FSTL5: variants seen among roughly 807,000 people sequenced by gnomAD.
FSTL5 encodes the protein follistatin like 5.
FSTL5 carries 62 observed loss-of-function variants against 89.1 expected under a neutral mutation model. That is an observed-to-expected ratio of 0.70 (90% CI 0.57 to 0.86). FSTL5 has a LOEUF of 0.86. Ranked by LOEUF, FSTL5 falls within the 40% of genes least tolerant of loss-of-function variation. The probability of loss-of-function intolerance (pLI) is 0.00; values close to 1 mark genes in which losing one functional copy is unlikely to be tolerated. For missense variants in FSTL5, 1,057 were observed against 1,001.6 expected (o/e 1.06, Z -0.75); for synonymous variants, 383 against 346.2 (o/e 1.11, Z -1.18).
chr4:161,832,114 G>C (rs1382495530), intron 4 of FSTL5, among the ~76,000 whole-genome samples: 1 of 152,020 alleles, frequency 6.6e-6, no homozygotes, highest in African/African-American at 2.4e-5. Context: ...CATGGTAAAT[G>C]TTATGATAGT....
intron 3 of FSTL5, among the ~76,000 whole-genome samples, chr4:161,983,242 T>G (rs1401752160): frequency 6.6e-6 from 1 of 152,198 alleles, no homozygotes; most frequent in African/African-American, 2.4e-5. Flanking sequence ...GGGGTGTGTC[T>G]GTGTGAAGTG....
chr4:161,762,810 CT>C (rs577037302), intron 5 of FSTL5, among the ~76,000 whole-genome samples: 2 of 151,504 alleles, frequency 1.3e-5, no homozygotes, highest in Non-Finnish European at 2.9e-5. Context: ...ATCTTTTACA[CT>C]TTTTTTTTCA....
At chr4:161,558,279 G>A (rs1263105951) in intron 8 of FSTL5, among the ~76,000 whole-genome samples, 1 of 151,782 alleles carries the variant, frequency 6.6e-6, no homozygotes, top group Non-Finnish European at 1.5e-5. Context: ...GGCTCCAAAA[G>A]GGTGTCACTA....
At chr4:162,128,212 T>C (rs1029970042) in intron 1 of FSTL5, among the ~76,000 whole-genome samples, 1 of 152,216 alleles carries the variant, frequency 6.6e-6, no homozygotes, top group Non-Finnish European at 1.5e-5. Flanking sequence ...TCTGTAGTAT[T>C]TTTACATATT....
chr4:161,782,695 C>T (rs554968249), intron 4 of FSTL5, among the ~76,000 whole-genome samples: 116 of 152,048 alleles, frequency 7.6e-4, no homozygotes, highest in Non-Finnish European at 9.7e-4. Context: ...AGGGAAGTAT[C>T]GTGAGTTAAA....
rs548024857 is a variant in FSTL5, at chr4:161,544,765, A to T, written c.1016-2072T>A. ...GGTCCTGGACTTAGAAAAATAAGTT[A>T]TAAAGTATATTACTAAGAGAACTGA... On this transcript the variant is annotated intron_variant, in intron 8 of 15. Coordinates refer to ENST00000306100, the MANE Select transcript of FSTL5 (RefSeq NM_020116.5). Among the ~76,000 whole-genome samples the T allele has an allele frequency of 1.2e-3, 190 of 152,122 alleles. 1 individual carries two copies. Among genetic ancestry groups the T allele is most frequent in the African/African-American group, 4.5e-3 (189 of 41,556 alleles).
intron 6 of FSTL5, among the ~76,000 whole-genome samples, chr4:161,754,823 A>G (rs1560827133): frequency 6.6e-6 from 1 of 152,198 alleles, no homozygotes; most frequent in Non-Finnish European, 1.5e-5. Flanking sequence ...ATTTACTGAC[A>G]GATTTAAATC....
In FSTL5 at chr4:161,528,104, A is replaced by G. The variant is rs533682490; in HGVS notation, c.1312+10062T>C. 7.9e-3 allele frequency among the ~76,000 whole-genome samples: 1,071 copies of G among 136,094 alleles called. 23 individuals carry two copies. Among genetic ancestry groups the G allele is most frequent in the African/African-American group, 0.029 (1,036 of 35,842 alleles). 89.3% of individuals were successfully genotyped at this position (136,094 alleles called of 152,430 possible). A position where few individuals can be genotyped will look rare whatever the true frequency, so the allele number is the denominator to read the frequency against. On this transcript the variant is annotated intron_variant, in intron 10 of 15. Transcript: ENST00000306100. ...GGTGGGAATTGAACAATGAGAACAC[A>G]TGGACACAGGAAGGGGAACATCATA...
chr4:162,111,047 T>C (rs960075708), intron 2 of FSTL5, among the ~76,000 whole-genome samples: 22 of 152,198 alleles, frequency 1.4e-4, no homozygotes, highest in African/African-American at 5.3e-4. Context: ...AATTATGTTT[T>C]TAATGGGCTA....
chr4:161,717,114 T>C (rs1223177503), intron 6 of FSTL5, among the ~76,000 whole-genome samples: 4 of 152,236 alleles, frequency 2.6e-5, no homozygotes, highest in Non-Finnish European at 5.9e-5. Context: ...GTGGTGATTC[T>C]TGTTTAAGAC....
At chr4:161,611,805 A>G (rs1734662830) in intron 7 of FSTL5, among the ~76,000 whole-genome samples, 2 of 152,232 alleles carry the variant, frequency 1.3e-5, no homozygotes, top group African/African-American at 4.8e-5. Flanking sequence ...TGAAAAGAAA[A>G]CAGCCATGGG....
At position 161,529,988 on chromosome 4, in the gene FSTL5, C is replaced by T. The variant is rs1017420441; in HGVS notation, c.1312+8178G>A. The stretch of plus-strand genomic sequence containing the variant: ...TATATTGTTCAACTGTTTATATTAC[C>T]TTCCTAGCCTCTGTAGAGATTAATA... On this transcript the variant is annotated intron_variant, in intron 10 of 15. Coordinates refer to ENST00000306100, the MANE Select transcript of FSTL5 (RefSeq NM_020116.5). 1.4e-5 allele frequency among the ~76,000 whole-genome samples: 2 copies of T among 142,940 alleles called. 1 individual carries two copies. Among genetic ancestry groups the T allele is most frequent in the Non-Finnish European group, 3.1e-5 (2 of 65,068 alleles). The allele number at this position is 142,940 out of a possible 152,430, so 93.8% of individuals were successfully genotyped here.
intron 3 of FSTL5, among the ~76,000 whole-genome samples, chr4:161,999,125 C>T (rs1421902267): frequency 6.6e-6 from 1 of 151,986 alleles, no homozygotes; most frequent in Non-Finnish European, 1.5e-5. Flanking sequence ...GGATAAGGAG[C>T]ATAGAATTTT....
intron 4 of FSTL5, among the ~76,000 whole-genome samples, chr4:161,813,369 C>T (rs1204213484): frequency 2.6e-5 from 4 of 151,888 alleles, no homozygotes; most frequent in African/African-American, 9.7e-5. Context: ...TCTATTGCCA[C>T]ATTTAATCAA....
At chr4:161,679,383 T>G (rs1579015338) in intron 6 of FSTL5, among the ~76,000 whole-genome samples, 1 of 151,830 alleles carries the variant, frequency 6.6e-6, no homozygotes, top group Admixed American at 6.6e-5. Flanking sequence ...GAATTAAGAT[T>G]ATTATTCTAC....
intron 10 of FSTL5, among the ~76,000 whole-genome samples, chr4:161,522,739 A>G (rs1238865647): frequency 6.6e-6 from 1 of 151,760 alleles, no homozygotes; most frequent in African/African-American, 2.4e-5. Context: ...TTGTAAAATA[A>G]TACCTAGATA....
chr4:161,474,804 C>T (rs773636545), intron 13 of FSTL5, among the ~76,000 whole-genome samples: 10 of 152,024 alleles, frequency 6.6e-5, no homozygotes, highest in Non-Finnish European at 1.5e-4. Context: ...CTCAGCCTCC[C>T]AAAGTGCTGG....
chr4:162,061,055 T>C (rs1172677661), intron 2 of FSTL5, among the ~76,000 whole-genome samples: 1 of 152,170 alleles, frequency 6.6e-6, no homozygotes, highest in Non-Finnish European at 1.5e-5. Flanking sequence ...TAATAAGGTA[T>C]TAAAATGTAT....
At chr4:162,055,525 T>TAATA (rs575985274) in intron 2 of FSTL5, among the ~76,000 whole-genome samples, 1 of 148,560 alleles carries the variant, frequency 6.7e-6, no homozygotes, top group Non-Finnish European at 1.5e-5. Flanking sequence ...AGATAGAGGA[T>TAATA]GATAGATAGA....
Sources: gnomAD v4.1 joint callset for allele counts (sites outside exome capture counted in the v4.1 genomes callset) on GRCh38, gnomAD v4.1.1 for gene constraint, MANE v1.5 for transcripts, NCBI Gene and HGNC (gene_info 2026-07-23, HGNC 2026-07-21) for gene names.